The following WWOX variants were observed in gnomAD, a reference collection of about 807,000 sequenced individuals.
WWOX encodes the protein WW domain containing oxidoreductase, also known as WW domain-containing oxidoreductase.
In WWOX, 69 loss-of-function variants were observed where a neutral mutation model predicts 46.2. The observed-to-expected ratio is 1.49, with a 90% CI of 1.23 to 1.82. The LOEUF is 1.82. Among genes scored for constraint, WWOX ranks in the 40% most tolerant of loss-of-function variants. The probability of loss-of-function intolerance (pLI) is 0.00; values close to 1 mark genes in which losing one functional copy is unlikely to be tolerated. For missense variants in WWOX, 919 were observed against 542.6 expected (o/e 1.69, Z -6.89); for synonymous variants, 359 against 202.6 (o/e 1.77, Z -6.56).
rs538935147 is a variant in WWOX at position 78,995,273 on chromosome 16, C to G, written c.1057-216335C>G. ...TGAAGCTTTTAGCAGGAAAGGTGAA[C>G]AGAGGCATCTGGATGCATCGCGGCC... On this transcript the variant is annotated intron_variant, in intron 8 of 8. Coordinates refer to ENST00000566780, the MANE Select transcript of WWOX (RefSeq NM_016373.4). Among the ~76,000 whole-genome samples the G allele has an allele frequency of 2.6e-5, 4 of 152,198 alleles. No homozygotes were observed. In the South Asian group the frequency reaches 8.3e-4, roughly 32 times the overall value.
intron 5 of WWOX, among the ~76,000 whole-genome samples, chr16:78,166,236 A>C (rs916791257): frequency 6.6e-6 from 1 of 151,990 alleles, no homozygotes; most frequent in Admixed American, 6.6e-5. Flanking sequence ...TCATTGTTTT[A>C]ACTGCTGTAT....
chr16:78,853,270 G>A (rs546444104), intron 8 of WWOX, among the ~76,000 whole-genome samples: 14 of 152,186 alleles, frequency 9.2e-5, no homozygotes, highest in African/African-American at 3.4e-4. Flanking sequence ...ATCCAGGCTG[G>A]AGTGCAGTGG....
In WWOX at chr16:78,106,411, G is replaced by GTTTTTTTT. The variant is rs998219778; in HGVS notation, c.108-2010_108-2003dup. ...ACTAGAGAGCCAGAGAGTCAGAACG[G>GTTTTTTTT]TTTTTTTTTGTTTTTTTTTTTTTTT... On this transcript the variant is annotated intron_variant, in intron 1 of 8. Coordinates refer to ENST00000566780, the MANE Select transcript of WWOX (RefSeq NM_016373.4). 1.5e-4 allele frequency among the ~76,000 whole-genome samples: 19 copies of GTTTTTTTT among 123,744 alleles called. 2 individuals carry two copies. The highest frequency in any genetic ancestry group is 1.9e-4 in the Non-Finnish European group (11 of 59,048). The allele number at this position is 123,744 out of a possible 152,430, so 81.2% of individuals were successfully genotyped here.
At chr16:79,091,307 G>A (rs1474008620) in intron 8 of WWOX, among the ~76,000 whole-genome samples, 4 of 151,176 alleles carry the variant, frequency 2.6e-5, no homozygotes, top group Non-Finnish European at 5.9e-5. Flanking sequence ...CTCACCTTTT[G>A]CTATATGCTG....
At chr16:78,670,317 A>G (rs1316465949) in intron 8 of WWOX, among the ~76,000 whole-genome samples, 3 of 152,110 alleles carry the variant, frequency 2.0e-5, no homozygotes, top group Non-Finnish European at 2.9e-5. Context: ...CCCTCCCGTG[A>G]TTCTGGAAGG....
chr16:78,856,468 C>T (rs2052569070), intron 8 of WWOX, among the ~76,000 whole-genome samples: 1 of 152,116 alleles, frequency 6.6e-6, no homozygotes, highest in African/African-American at 2.4e-5. Flanking sequence ...CATCACAAAA[C>T]CTCATTTCTG....
intron 8 of WWOX, among the ~76,000 whole-genome samples, chr16:78,678,902 C>T (rs1298142957): frequency 6.6e-6 from 1 of 152,192 alleles, no homozygotes; most frequent in Admixed American, 6.5e-5. Flanking sequence ...GTTAAGCCAC[C>T]TACCCAGGCT....
chr16:78,449,910 T>A (rs930272379), intron 8 of WWOX, among the ~76,000 whole-genome samples: 5 of 151,030 alleles, frequency 3.3e-5, no homozygotes, highest in Non-Finnish European at 7.4e-5. Flanking sequence ...TTTTTTTTTT[T>A]AAGCCATAAA....
intron 8 of WWOX, among the ~76,000 whole-genome samples, chr16:79,146,261 G>T (rs1164307712): frequency 6.6e-6 from 1 of 152,106 alleles, no homozygotes; most frequent in African/African-American, 2.4e-5. Flanking sequence ...CTTATCAATA[G>T]GTCCCTTTTT....
chr16:78,482,411 C>A (rs1446070869), intron 8 of WWOX, among the ~76,000 whole-genome samples: 1 of 152,068 alleles, frequency 6.6e-6, no homozygotes, highest in Non-Finnish European at 1.5e-5. Flanking sequence ...TAGTTAGACA[C>A]CAGGTTTCAC....
intron 8 of WWOX, among the ~76,000 whole-genome samples, chr16:78,974,728 A>C (rs1021266130): frequency 2.6e-5 from 4 of 152,192 alleles, no homozygotes; most frequent in Non-Finnish European, 5.9e-5. Context: ...GCCAAACCCC[A>C]AGACCCACAC....
chr16:78,372,816 T>C (rs1822225786), intron 5 of WWOX, among the ~76,000 whole-genome samples: 1 of 152,232 alleles, frequency 6.6e-6, no homozygotes, highest in Admixed American at 6.5e-5. Flanking sequence ...TAGACTTGAA[T>C]CTCAAGTTGC....
intron 8 of WWOX, among the ~76,000 whole-genome samples, chr16:78,915,053 T>G (rs556063777): frequency 4.3e-4 from 66 of 152,038 alleles, no homozygotes; most frequent in South Asian, 8.3e-4. Context: ...ATCCACAAGT[T>G]CAGGAAAGGG....
At chr16:78,543,488 A>G (rs1259681836) in intron 8 of WWOX, among the ~76,000 whole-genome samples, 2 of 152,216 alleles carry the variant, frequency 1.3e-5, no homozygotes, top group African/African-American at 2.4e-5. Context: ...TTGCTTGGTC[A>G]TTGCAGCTTC....
intron 8 of WWOX, among the ~76,000 whole-genome samples, chr16:78,990,555 G>A (rs1468379496): frequency 1.3e-5 from 2 of 152,186 alleles, no homozygotes; most frequent in Non-Finnish European, 2.9e-5. Flanking sequence ...TGTTTACACC[G>A]GGGAGCCCCC....
At chr16:78,176,564 T>G (rs1479439718) in intron 5 of WWOX, among the ~76,000 whole-genome samples, 1 of 152,218 alleles carries the variant, frequency 6.6e-6, no homozygotes, top group Admixed American at 6.5e-5. Flanking sequence ...ATCTTTGTAA[T>G]GGCTTTGTTG....
intron 8 of WWOX, among the ~76,000 whole-genome samples, chr16:78,480,314 C>T (rs2084456250): frequency 6.6e-6 from 1 of 152,176 alleles, no homozygotes; most frequent in African/African-American, 2.4e-5. Context: ...CATTAGTCCC[C>T]AAAGTGTGAA....
intron 8 of WWOX, among the ~76,000 whole-genome samples, chr16:78,482,529 C>G (rs2084520344): frequency 6.6e-6 from 1 of 152,164 alleles, no homozygotes; most frequent in South Asian, 2.1e-4. Context: ...AGCCAAATAA[C>G]TCCATTATTT....
At chr16:78,261,819 C>G (rs12929315) in intron 5 of WWOX, among the ~76,000 whole-genome samples, 5,971 of 122,156 alleles carry the variant, frequency 0.049, 222 homozygotes, top group East Asian at 0.14. Context: ...TATATATATA[C>G]TTATAATGTG....
Sources: gnomAD v4.1 joint callset for allele counts (sites outside exome capture counted in the v4.1 genomes callset) on GRCh38, gnomAD v4.1.1 for gene constraint, MANE v1.5 for transcripts, NCBI Gene and HGNC (gene_info 2026-07-23, HGNC 2026-07-21) for gene names.